PDCD1LG2: variants seen among roughly 807,000 people sequenced by gnomAD.
The protein encoded by PDCD1LG2 is programmed cell death 1 ligand 2, also known as B7 dendritic cell molecule.
A neutral mutation model predicts 28.2 loss-of-function variants in PDCD1LG2; 32 were observed. The observed-to-expected ratio is 1.13, with a 90% CI of 0.86 to 1.52. The LOEUF is 1.52. Ranked by LOEUF, PDCD1LG2 falls within the 40% of genes most tolerant of loss-of-function variation. PDCD1LG2 has a pLI of 0.00. For synonymous variants in PDCD1LG2, 116 were observed against 120.2 expected (o/e 0.97, Z 0.23); for missense variants, 385 against 323.8 (o/e 1.19, Z -1.45).
At position 5,569,874 on chromosome 9, in the gene PDCD1LG2, C is replaced by A. The variant is rs1816738900; in HGVS notation, c.817-80C>A. 1.4e-6 allele frequency: 2 copies of A among 1,415,258 alleles called. No individual in the cohort carries two copies. Among genetic ancestry groups the A allele is most frequent in the South Asian group, 1.2e-5 (1 of 84,598 alleles). The allele number at this position is 1,415,258 out of a possible 1,614,324, so 87.7% of individuals were successfully genotyped here. A position where few individuals can be genotyped will look rare whatever the true frequency, so the allele number is the denominator to read the frequency against. On this transcript the variant is annotated intron_variant, in intron 6 of 6. Transcript: ENST00000397747. The surrounding 1 kb of genome is among the most constrained non-coding windows in gnomAD (Gnocchi z 4.1). ...ATGAACTTTTTTAAAAAAATTAGTT[C>A]CTCACTCAAATTTTGGGGAGGTTAT... is the stretch of plus-strand genomic sequence containing the variant.
chr9:5,528,599 C>T (rs12347520), intron 2 of PDCD1LG2, among the ~76,000 whole-genome samples: 3,181 of 152,134 alleles, frequency 0.021, 110 homozygotes, highest in African/African-American at 0.072. Context: ...GCCACTGCAC[C>T]TGGCCTTAGT....
In PDCD1LG2 at chr9:5,570,194, C is replaced by G; in HGVS notation, c.*235C>G. On this transcript the variant is annotated 3_prime_UTR_variant, in exon 7 of 7. Transcript: ENST00000397747. ...AGCCTATGGCTTTAAGCAAGCACTA[C>G]TGCACTTTACAGAATTACCCCACTG... 2.1e-6 allele frequency: 1 copy of G among 479,258 alleles called. No homozygotes were observed. The allele number at this position is 479,258 out of a possible 1,614,324, so 29.7% of individuals were successfully genotyped here. A position where few individuals can be genotyped will look rare whatever the true frequency, so the allele number is the denominator to read the frequency against.
intron 3 of PDCD1LG2, among the ~76,000 whole-genome samples, chr9:5,536,320 T>G (rs532388454): frequency 2.6e-4 from 39 of 152,294 alleles, no homozygotes; most frequent in African/African-American, 8.9e-4. Context: ...ATATAATAAG[T>G]GTCCAGAGAC....
intron 6 of PDCD1LG2, among the ~76,000 whole-genome samples, chr9:5,564,050 A>C (rs1188637662): frequency 6.6e-6 from 1 of 152,248 alleles, no homozygotes; most frequent in Non-Finnish European, 1.5e-5. Flanking sequence ...ATTAATCATC[A>C]CAGGCACCAA....
chr9:5,525,883 C>CA (rs767389314), intron 2 of PDCD1LG2, among the ~76,000 whole-genome samples: 29 of 151,760 alleles, frequency 1.9e-4, no homozygotes, highest in African/African-American at 4.8e-4. Flanking sequence ...CTCGTCTCTA[C>CA]AAAAAATACA....
At chr9:5,564,562 A>T (rs1586822301) in intron 6 of PDCD1LG2, among the ~76,000 whole-genome samples, 1 of 152,228 alleles carries the variant, frequency 6.6e-6, no homozygotes, top group South Asian at 2.1e-4. Flanking sequence ...ATTTCTAGAT[A>T]GCTTTGGAAA....
At chr9:5,512,490 C>G (rs1256780982) in intron 1 of PDCD1LG2, among the ~76,000 whole-genome samples, 1 of 152,182 alleles carries the variant, frequency 6.6e-6, no homozygotes, top group Non-Finnish European at 1.5e-5. Flanking sequence ...GGGGGAGCTT[C>G]TGATGCTCTT....
At position 5,569,790 on chromosome 9, in the gene PDCD1LG2, T is replaced by C. The variant is rs1816736814; in HGVS notation, c.817-164T>C. Among the ~76,000 whole-genome samples the C allele has an allele frequency of 6.6e-6, 1 of 152,210 alleles. No homozygotes were observed. The highest frequency in any genetic ancestry group is 2.4e-5 in the African/African-American group (1 of 41,462). On this transcript the variant is annotated intron_variant, in intron 6 of 6. Coordinates refer to ENST00000397747, the MANE Select transcript of PDCD1LG2 (RefSeq NM_025239.4). This position sits in a 1 kb window ranked among gnomAD's most constrained non-coding sequence, Gnocchi z 4.1. ...CTGAAGACTTGGACTAGGGCAATGGTAAAAACTGTGGAAAGAAGTTTTAAA... is the reference window on the plus strand; with the variant it reads ...CTGAAGACTTGGACTAGGGCAATGGCAAAAACTGTGGAAAGAAGTTTTAAA...
intron 6 of PDCD1LG2, among the ~76,000 whole-genome samples, chr9:5,566,181 C>G (rs1231437601): frequency 1.3e-5 from 2 of 152,172 alleles, no homozygotes; most frequent in Non-Finnish European, 2.9e-5. Flanking sequence ...TGGGACTTAG[C>G]CTGGACATGT....
At position 5,569,708 on chromosome 9, in the gene PDCD1LG2, T is replaced by C. The variant is rs190007846; in HGVS notation, c.817-246T>C. ...AATGTGCTCCAATATTACTGAACTATGTGTGGCCCAAAGAATGGAAGAGGA... is the reference window on the plus strand; with the variant it reads ...AATGTGCTCCAATATTACTGAACTACGTGTGGCCCAAAGAATGGAAGAGGA... On this transcript the variant is annotated intron_variant, in intron 6 of 6. Coordinates refer to ENST00000397747, the MANE Select transcript of PDCD1LG2 (RefSeq NM_025239.4). The surrounding 1 kb of genome is among the most constrained non-coding windows in gnomAD (Gnocchi z 4.1). Among the ~76,000 whole-genome samples, 1 of 152,262 alleles carries C rather than the reference T, an allele frequency of 6.6e-6. No homozygotes were observed. Among genetic ancestry groups the C allele is most frequent in the African/African-American group, 2.4e-5 (1 of 41,538 alleles).
At chr9:5,516,110 G>A (rs1435748126) in intron 1 of PDCD1LG2, among the ~76,000 whole-genome samples, 1 of 151,852 alleles carries the variant, frequency 6.6e-6, no homozygotes, top group Non-Finnish European at 1.5e-5. Flanking sequence ...GGAGTGCAGT[G>A]GCGCAATCTC....
chr9:5,569,072 C>G lies in PDCD1LG2; in HGVS notation c.817-882C>G, dbSNP rs1436463828. 2.0e-5 allele frequency among the ~76,000 whole-genome samples: 3 copies of G among 152,070 alleles called. No individual in the cohort carries two copies. Among genetic ancestry groups the G allele is most frequent in the Non-Finnish European group, 2.9e-5 (2 of 68,014 alleles). On this transcript the variant is annotated intron_variant, in intron 6 of 6. Transcript: ENST00000397747. The surrounding 1 kb of genome is among the most constrained non-coding windows in gnomAD (Gnocchi z 4.1). Reference sequence around the variant, plus strand: ...CACGTGACCCCGTTCAGAGAGAAAGCCAGGTGTGAGATAAGGGGGAAAGAC... The same window carrying G: ...CACGTGACCCCGTTCAGAGAGAAAGGCAGGTGTGAGATAAGGGGGAAAGAC...
chr9:5,557,119 C>T (rs2129916764), intron 4 of PDCD1LG2, among the ~76,000 whole-genome samples: 1 of 152,214 alleles, frequency 6.6e-6, no homozygotes, highest in South Asian at 2.1e-4. Context: ...AGATTCTAAG[C>T]ACTGTGAGTA....
chr9:5,570,079 G>A lies in PDCD1LG2; in HGVS notation c.*120G>A. The A allele has an allele frequency of 8.0e-7, 1 of 1,253,482 alleles. No homozygotes were observed. Among genetic ancestry groups the A allele is most frequent in the Non-Finnish European group, 1.2e-6 (1 of 864,774 alleles). 77.6% of individuals were successfully genotyped at this position (1,253,482 alleles called of 1,614,324 possible). A position where few individuals can be genotyped will look rare whatever the true frequency, so the allele number is the denominator to read the frequency against. On this transcript the variant is annotated 3_prime_UTR_variant, in exon 7 of 7. Transcript: ENST00000397747. ...TTGCACTTTTCAAATGCCTTTGGAT[G>A]ACCCAGCACTTTAATCTGAAACCTG...
At position 5,524,904 on chromosome 9, in the gene PDCD1LG2, A is replaced by G. The variant is rs536962134; in HGVS notation, c.55+2303A>G. Among the ~76,000 whole-genome samples, 7 of 152,378 alleles carry G rather than the reference A, an allele frequency of 4.6e-5. No individual in the cohort carries two copies. The East Asian group carries it at 1.3e-3, about 29-fold the overall frequency. The stretch of plus-strand genomic sequence containing the variant: ...CAGAGCTACAGCTATCAGGGTGTCC[A>G]GACAGACAGAAGATTACATTTTCTT... On this transcript the variant is annotated intron_variant, in intron 2 of 6. Transcript: ENST00000397747.
At chr9:5,556,686 G>GT (rs1816449167) in intron 4 of PDCD1LG2, among the ~76,000 whole-genome samples, 1 of 152,192 alleles carries the variant, frequency 6.6e-6, no homozygotes, top group African/African-American at 2.4e-5. Context: ...CCGCTGAGCA[G>GT]TTTCGTCCAG....
At chr9:5,559,720 T>C (rs1816521073) in intron 5 of PDCD1LG2, among the ~76,000 whole-genome samples, 2 of 152,198 alleles carry the variant, frequency 1.3e-5, no homozygotes, top group African/African-American at 4.8e-5. Context: ...TTCTCACTTT[T>C]TGCTATAATA....
intron 3 of PDCD1LG2, among the ~76,000 whole-genome samples, chr9:5,547,108 G>T (rs577613184): frequency 6.6e-6 from 1 of 152,138 alleles, no homozygotes; most frequent in African/African-American, 2.4e-5. Context: ...GTAAAAGGAC[G>T]TGGCACAAAG....
chr9:5,554,707 A>T (rs1816402781), intron 4 of PDCD1LG2, among the ~76,000 whole-genome samples: 1 of 152,228 alleles, frequency 6.6e-6, no homozygotes, highest in Non-Finnish European at 1.5e-5. Context: ...GGACTACAGC[A>T]CAAAAAATAA....
Sources: gnomAD v4.1 joint callset for allele counts (sites outside exome capture counted in the v4.1 genomes callset) on GRCh38, gnomAD v4.1.1 for gene constraint, Gnocchi (gnomAD v3.1) non-coding constraint, MANE v1.5 for transcripts, NCBI Gene and HGNC (gene_info 2026-07-23, HGNC 2026-07-21) for gene names.